SMPX: variants seen among roughly 807,000 people sequenced by gnomAD.
SMPX encodes small muscular protein.
Under a neutral mutation model 6.3 loss-of-function variants are expected in SMPX, and 2 were observed. The ratio of observed to expected loss-of-function variants is 0.32; its 90% confidence interval spans 0.13 to 0.99. SMPX has a LOEUF of 0.99. SMPX is among the 50% of genes least tolerant of loss of function. The probability of loss-of-function intolerance (pLI) is 0.49; values close to 1 mark genes in which losing one functional copy is unlikely to be tolerated. For synonymous variants in SMPX, 32 were observed against 24.7 expected, an observed-to-expected ratio of 1.30 and a Z score of -0.88; for missense variants, 60 against 66.8, an observed-to-expected ratio of 0.90 and a Z score of 0.36.
At chrX:21,743,052 A>G (rs1282392576) in intron 3 of SMPX, among the ~76,000 whole-genome samples, 3 of 111,958 alleles carry the variant, frequency 2.7e-5, no homozygotes, top group East Asian at 5.6e-4. Flanking sequence ...ACTCTTCCCT[A>G]TTTATGGCAT....
At chrX:21,738,741 G>C (rs2147387727) in intron 3 of SMPX, among the ~76,000 whole-genome samples, 1 of 111,026 alleles carries the variant, frequency 9.0e-6, no homozygotes, top group East Asian at 2.9e-4. Flanking sequence ...GACTGAGTGC[G>C]ACAGGAATTC....
At chrX:21,715,303 T>TGTGTGTGTGTGTGCGC (rs1175730294) in intron 4 of SMPX, among the ~76,000 whole-genome samples, 5 of 86,068 alleles carry the variant, frequency 5.8e-5, no homozygotes, top group African/African-American at 3.0e-4. Flanking sequence ...TGTGTGTGTG[T>TGTGTGTGTGTGTGCGC]GCGCGCACGC....
chrX:21,728,226 C>CTT (rs2092799387), intron 4 of SMPX, among the ~76,000 whole-genome samples: 1 of 22,799 alleles, frequency 4.4e-5, no homozygotes, highest in Non-Finnish European at 7.4e-5. Context: ...CTCTCTCTCT[C>CTT]TCTCTCTCTC....
At chrX:21,742,782 A>G (rs2092817405) in intron 3 of SMPX, among the ~76,000 whole-genome samples, 1 of 112,587 alleles carries the variant, frequency 8.9e-6, no homozygotes, top group African/African-American at 3.2e-5. Flanking sequence ...AAGTTGTATT[A>G]GGAACCTTTG....
At chrX:21,755,024 G>A (rs1487983578) in intron 1 of SMPX, among the ~76,000 whole-genome samples, 3 of 112,276 alleles carry the variant, frequency 2.7e-5, no homozygotes, top group East Asian at 2.8e-4. Flanking sequence ...ACAAATCCTC[G>A]AGATGTAGAA....
At chrX:21,730,274 A>G (rs1288947905) in intron 4 of SMPX, among the ~76,000 whole-genome samples, 1 of 111,987 alleles carries the variant, frequency 8.9e-6, no homozygotes, top group Admixed American at 9.5e-5. Flanking sequence ...TCTTCTGGCA[A>G]AAGGAAAAGG....
intron 2 of SMPX, among the ~76,000 whole-genome samples, chrX:21,750,732 A>T (rs746938844): frequency 8.9e-6 from 1 of 111,825 alleles, no homozygotes; most frequent in Non-Finnish European, 1.9e-5. Context: ...TTCAGTGTGG[A>T]TGTGAAAGAC....
chrX:21,706,517 T>C lies in SMPX; in HGVS notation c.*15-123A>G, dbSNP rs1458099533. 1.3e-5 allele frequency: 3 copies of C among 225,414 alleles called. No homozygotes were observed. In the Admixed American group the frequency reaches 1.9e-4, roughly 14 times the overall value. The allele number at this position is 225,414 out of a possible 1,213,427, so 18.6% of individuals were successfully genotyped here. A position where few individuals can be genotyped will look rare whatever the true frequency, so the allele number is the denominator to read the frequency against. On this transcript the variant is annotated intron_variant, in intron 4 of 4. Transcript: ENST00000379494. ...TGCAATGTTTTGATATATGCATACA[T>C]ACATTGTGAAATGATTAAGTCAACA...
chrX:21,722,041 G>A (rs2092792267), intron 4 of SMPX, among the ~76,000 whole-genome samples: 1 of 110,474 alleles, frequency 9.1e-6, no homozygotes, highest in Non-Finnish European at 1.9e-5. Flanking sequence ...TGCACCTGTG[G>A]TCCCAGCTAC....
intron 2 of SMPX, among the ~76,000 whole-genome samples, chrX:21,745,549 T>C (rs977807513): frequency 5.4e-5 from 6 of 111,722 alleles, no homozygotes; most frequent in African/African-American, 2.0e-4. Flanking sequence ...TTGGATGAAA[T>C]ATCATAGGGG....
intron 4 of SMPX, among the ~76,000 whole-genome samples, chrX:21,719,915 C>T (rs2382625): frequency 0.5 from 55,121 of 110,719 alleles, 11,273 homozygotes; most frequent in African/African-American, 0.79. Flanking sequence ...TGTAAGAAAT[C>T]CTGGGTGGTA....
At chrX:21,718,039 T>A (rs771719492) in intron 4 of SMPX, among the ~76,000 whole-genome samples, 1 of 112,026 alleles carries the variant, frequency 8.9e-6, no homozygotes, top group Non-Finnish European at 1.9e-5. Flanking sequence ...CGAAGGGTCA[T>A]GGGGAGCCGC....
At chrX:21,752,423 C>T (rs1245465000) in intron 2 of SMPX, among the ~76,000 whole-genome samples, 2 of 112,006 alleles carry the variant, frequency 1.8e-5, no homozygotes, top group South Asian at 7.5e-4. Context: ...CTTCTCACAA[C>T]TTTAACATAA....
At chrX:21,733,926 G>C (rs1000168672) in intron 4 of SMPX, among the ~76,000 whole-genome samples, 1 of 111,363 alleles carries the variant, frequency 9.0e-6, no homozygotes, top group African/African-American at 3.3e-5. Flanking sequence ...CTGAGCCTCT[G>C]TTTAAACCAT....
intron 4 of SMPX, among the ~76,000 whole-genome samples, chrX:21,734,333 C>G (rs2092808211): frequency 9.0e-6 from 1 of 111,690 alleles, no homozygotes; most frequent in Non-Finnish European, 1.9e-5. Context: ...TTCCCCAGAC[C>G]TTTGTCCATG....
intron 2 of SMPX, among the ~76,000 whole-genome samples, chrX:21,753,690 C>T (rs1230266477): frequency 5.4e-5 from 6 of 112,009 alleles, no homozygotes; most frequent in Non-Finnish European, 1.1e-4. Flanking sequence ...TTTCCAAATG[C>T]CTGCTTCCTC....
Position 21,737,653 on chromosome X carries a change from T to G in SMPX, c.177A>C (p.Gly59=), listed in dbSNP as rs1218833982. The G allele has an allele frequency of 8.3e-7, 1 of 1,208,352 alleles. No individual in the cohort carries two copies. The highest frequency in any genetic ancestry group is 1.1e-6 in the Non-Finnish European group (1 of 893,477). Residue 59 remains glycine, a synonymous_variant, in exon 4 of 5, where the codon GGA becomes GGC. Transcript: ENST00000379494. ...TSDEEKKPIP[G]AKKLPGPAVN... ...CTGCAGGTCCTGGAAGTTTCTTCGC[T>G]CCTGGAATTGGCTTCTTCTCCTCAT... is the stretch of plus-strand genomic sequence containing the variant.
At chrX:21,724,150 G>A (rs1236904903) in intron 4 of SMPX, among the ~76,000 whole-genome samples, 2 of 111,998 alleles carry the variant, frequency 1.8e-5, no homozygotes, top group Non-Finnish European at 3.8e-5. Flanking sequence ...GACCTCGCAG[G>A]GTGTCTGGGA....
rs1435322817 is a variant in SMPX, at chrX:21,706,202, G to T, written c.*207C>A. The T allele has an allele frequency of 1.6e-5, 8 of 509,504 alleles. No homozygotes were observed. The Admixed American group carries it at 2.1e-4, about 13-fold the overall frequency. The allele number at this position is 509,504 out of a possible 1,213,427, so 42.0% of individuals were successfully genotyped here. ...AGGTGTTGAATTTATGGGCTAATTT[G>T]TTCTGTGAGGTGCCAAAAATGAAGA... On this transcript the variant is annotated 3_prime_UTR_variant, in exon 5 of 5. Transcript: ENST00000379494.
Sources: gnomAD v4.1 joint callset for allele counts (sites outside exome capture counted in the v4.1 genomes callset) on GRCh38, gnomAD v4.1.1 for gene constraint, MANE v1.5 for transcripts, NCBI Gene and HGNC (gene_info 2026-07-23, HGNC 2026-07-21) for gene names.